FAT4: variants seen among roughly 807,000 people sequenced by gnomAD.
FAT4 encodes FAT atypical cadherin 4.
FAT4 carries 84 observed loss-of-function variants against 303.9 expected under a neutral mutation model. The ratio of observed to expected loss-of-function variants is 0.28; its 90% CI spans 0.23 to 0.33. The LOEUF is 0.33. Ranked by LOEUF, FAT4 falls within the 10% of genes least tolerant of loss-of-function variation. The pLI, the probability that FAT4 is intolerant of heterozygous loss-of-function variation, is 1.00. For missense variants in FAT4, 6,005 were observed against 6,146.8 expected, an observed-to-expected ratio of 0.98 and a Z score of 0.77; for synonymous variants, 2,307 against 2,298.8, an observed-to-expected ratio of 1.00 and a Z score of -0.10.
intron 2 of FAT4, among the ~76,000 whole-genome samples, chr4:125,325,238 AT>A (rs930960913): frequency 4.6e-5 from 7 of 151,602 alleles, no homozygotes; most frequent in Admixed American, 6.6e-5. Context: ...ATTCGTAATG[AT>A]TTTTTTTTAC....
rs950153064 is a variant in FAT4, at chr4:125,402,090, A to G, written c.5307+3175A>G. Among the ~76,000 whole-genome samples, 10 of 151,876 alleles carry G rather than the reference A, an allele frequency of 6.6e-5. No individual in the cohort carries two copies. The East Asian group carries it at 1.9e-3, about 29-fold the overall frequency. On this transcript the variant is annotated intron_variant, in intron 3 of 17. Transcript: ENST00000394329. ...TTCACTAATATTATGAATTCACCAC[A>G]TCAGCTGATTTTGAATATGAAAAAG...
At chr4:125,443,328 A>AACAAAT (rs1368845821) in intron 8 of FAT4, among the ~76,000 whole-genome samples, 2 of 152,182 alleles carry the variant, frequency 1.3e-5, no homozygotes, top group African/African-American at 4.8e-5. Flanking sequence ...ACTAAATGTG[A>AACAAAT]ACAAATTCTA....
At chr4:125,337,299 C>T (rs1307992697) in intron 2 of FAT4, among the ~76,000 whole-genome samples, 1 of 151,958 alleles carries the variant, frequency 6.6e-6, no homozygotes, top group Non-Finnish European at 1.5e-5. Context: ...CTCCAAAGTA[C>T]ATCAATGAAT....
Position 125,319,913 on chromosome 4 carries a change from A to T in FAT4, c.3502A>T (p.Arg1168Trp), listed in dbSNP as rs1730856258. 1 of 1,613,924 alleles carries T rather than the reference A, an allele frequency of 6.2e-7. No individual in the cohort carries two copies. Among genetic ancestry groups the T allele is most frequent in the South Asian group, 1.1e-5 (1 of 91,090 alleles). The change falls in exon 2 of 18, where the codon AGG (arginine) becomes TGG (tryptophan). Residue 1168 changes from arginine to tryptophan, a missense_variant. Physicochemically the swap from Arg to Trp is moderately radical, Grantham distance 101. Coordinates refer to ENST00000394329, the MANE Select transcript of FAT4 (RefSeq NM_001291303.3). Reference sequence around the variant, plus strand: ...TCAGTTTGACAGGGAGTCTCTTATGAGGCGGAGAGGGACTGCTGTGTTTAG... The same window carrying T: ...TCAGTTTGACAGGGAGTCTCTTATGTGGCGGAGAGGGACTGCTGTGTTTAG... ...THQFDRESLMRRRGTAVFSFT... is the reference protein window; with the variant it reads ...THQFDRESLMWRRGTAVFSFT...
chr4:125,325,101 G>T (rs1056909787), intron 2 of FAT4, among the ~76,000 whole-genome samples: 4 of 152,062 alleles, frequency 2.6e-5, no homozygotes, highest in Non-Finnish European at 5.9e-5. Context: ...GGATAATAGA[G>T]AAATAGTTTG....
Position 125,438,417 on chromosome 4 carries a change from C to T in FAT4, c.7199+3992C>T, listed in dbSNP as rs192714862. Among the ~76,000 whole-genome samples, 256 of 152,146 alleles carry T rather than the reference C, an allele frequency of 1.7e-3. 1 individual carries two copies. The highest frequency in any genetic ancestry group is 5.8e-3 in the African/African-American group (242 of 41,514). On this transcript the variant is annotated intron_variant, in intron 8 of 17. Coordinates refer to ENST00000394329, the MANE Select transcript of FAT4 (RefSeq NM_001291303.3). ...GTTTTACAAAGCTGTACTGGTAGGTCTGATGGGATTGTTTTGCTTTGGTAG... is the reference window on the plus strand; with the variant it reads ...GTTTTACAAAGCTGTACTGGTAGGTTTGATGGGATTGTTTTGCTTTGGTAG...
intron 2 of FAT4, among the ~76,000 whole-genome samples, chr4:125,379,032 A>G (rs1440181059): frequency 6.6e-6 from 1 of 152,006 alleles, no homozygotes; most frequent in Non-Finnish European, 1.5e-5. Flanking sequence ...CACAATGCTC[A>G]ACAGAAAACC....
At chr4:125,408,842 T>G (rs752851751) in intron 5 of FAT4, 48 bp downstream of exon 5, 1 of 990,574 alleles carries the variant, frequency 1.0e-6, no homozygotes, top group Non-Finnish European at 1.4e-6. Context: ...TAAACTGTCA[T>G]CAGATTTATA....
In FAT4 at chr4:125,320,526, T is replaced by C. The variant is rs1730893460; in HGVS notation, c.4115T>C (p.Ile1372Thr). 6.2e-7 allele frequency: 1 copy of C among 1,613,860 alleles called. No individual in the cohort carries two copies. Among genetic ancestry groups the C allele is most frequent in the Non-Finnish European group, 8.5e-7 (1 of 1,179,924 alleles). ...TFSISPNTGS[I>T]FLAKKLDFET... ...AGCATTAGCCCAAACACTGGGAGTA[T>C]TTTTCTTGCCAAAAAACTGGACTTT... The change falls in exon 2 of 18, where the codon ATT becomes ACT. Residue 1372 changes from isoleucine (I) to threonine (T), a missense_variant. Ile to Thr is a moderately conservative substitution (Grantham distance 89). Coordinates refer to ENST00000394329, the MANE Select transcript of FAT4 (RefSeq NM_001291303.3).
intron 2 of FAT4, among the ~76,000 whole-genome samples, chr4:125,373,516 A>C (rs749329851): frequency 6.6e-6 from 1 of 152,166 alleles, no homozygotes; most frequent in Admixed American, 6.5e-5. Context: ...ACTATAATCT[A>C]TGTTTATGTG....
rs117016099 is a variant in FAT4 at position 125,408,757 on chromosome 4, T to C, written c.5883T>C (p.Ser1961=). 745 of 1,594,746 alleles carry C rather than the reference T, an allele frequency of 4.7e-4. 5 individuals are homozygous for C. In the East Asian group the frequency reaches 0.016, roughly 34 times the overall value. ...TAATGGAGAATCTACCTGTGGGATC[T>C]ACTGTTCTTGTGTTTAATGTTACTG... The part of the protein sequence containing the change: ...TSLMENLPVG[S]TVLVFNVTDA... The change falls in exon 5 of 18, where the codon TCT becomes TCC. Residue 1961 remains serine (S), a synonymous_variant. Coordinates refer to ENST00000394329, the MANE Select transcript of FAT4 (RefSeq NM_001291303.3).
intron 2 of FAT4, among the ~76,000 whole-genome samples, chr4:125,325,116 C>G (rs1560759806): frequency 6.6e-6 from 1 of 152,132 alleles, no homozygotes; most frequent in Non-Finnish European, 1.5e-5. Flanking sequence ...AGTTTGCCTA[C>G]TGCATCAGAA....
chr4:125,353,860 G>T (rs1732326646), intron 2 of FAT4, among the ~76,000 whole-genome samples: 1 of 151,514 alleles, frequency 6.6e-6, no homozygotes, highest in Non-Finnish European at 1.5e-5. Flanking sequence ...TTGAGAATTT[G>T]CAAAGCCATA....
Position 125,450,387 on chromosome 4 carries a change from T to C in FAT4, c.9377T>C (p.Ile3126Thr), listed in dbSNP as rs1726012369. The change falls in exon 10 of 18, where the codon ATT becomes ACT. Residue 3126 changes from isoleucine (I) to threonine (T), a missense_variant. Transcript: ENST00000394329. ...AGAGATGCAGCGATGAATGGCTTGA[T>C]TAAGTACAGCATTTCTTCAGGAAAT... ...RDRDAAMNGLIKYSISSGNEE... is the reference protein window; with the variant it reads ...RDRDAAMNGLTKYSISSGNEE... 1.2e-6 allele frequency: 2 copies of C among 1,614,062 alleles called. No homozygotes were observed. Among genetic ancestry groups the C allele is most frequent in the South Asian group, 2.2e-5 (2 of 91,078 alleles).
chr4:125,411,184 A>G (rs929973310), intron 5 of FAT4, among the ~76,000 whole-genome samples: 3 of 152,084 alleles, frequency 2.0e-5, no homozygotes, highest in Admixed American at 2.0e-4. Flanking sequence ...AATAAATGTC[A>G]CAATCTGTTA....
intron 7 of FAT4, among the ~76,000 whole-genome samples, chr4:125,418,020 T>A (rs941165710): frequency 5.3e-5 from 8 of 152,202 alleles, no homozygotes; most frequent in African/African-American, 1.4e-4. Context: ...GGTTTTAGAA[T>A]CTACAGTTTA....
Position 125,394,227 on chromosome 4 carries a change from TTA to T in FAT4, c.5176-4556_5176-4555del, listed in dbSNP as rs562607819. Among the ~76,000 whole-genome samples, 48 of 152,336 alleles carry T rather than the reference TTA, an allele frequency of 3.2e-4. 1 individual carries two copies. The South Asian group carries it at 8.9e-3, about 28-fold the overall frequency. ...TACCTTAAGTTGTTCTGAACTTCAA[TTA>T]CAAAAGCTATTGCCAGATTGTGTTT... On this transcript the variant is annotated intron_variant, in intron 2 of 17. Transcript: ENST00000394329.
At chr4:125,357,911 A>G (rs1420176351) in intron 2 of FAT4, among the ~76,000 whole-genome samples, 1 of 152,112 alleles carries the variant, frequency 6.6e-6, no homozygotes, top group South Asian at 2.1e-4. Context: ...CCCTTTACAT[A>G]TGAAAGGAAA....
chr4:125,485,435 A>C (rs927395825), intron 16 of FAT4, among the ~76,000 whole-genome samples: 1 of 151,938 alleles, frequency 6.6e-6, no homozygotes, highest in Non-Finnish European at 1.5e-5. Context: ...TTTTACTTTT[A>C]AACTTTTGCA....
Sources: gnomAD v4.1 joint callset for allele counts (sites outside exome capture counted in the v4.1 genomes callset) on GRCh38, gnomAD v4.1.1 for gene constraint, MANE v1.5 for transcripts, NCBI Gene and HGNC (gene_info 2026-07-23, HGNC 2026-07-21) for gene names.